Variants in BTBD9 observed in about 807,000 individuals in gnomAD.
The protein encoded by BTBD9 is BTB domain containing 9.
Under a neutral mutation model 64.3 loss-of-function variants are expected in BTBD9, and 49 were observed. The observed-to-expected ratio is 0.76, with a 90% CI of 0.61 to 0.97. BTBD9 has a LOEUF of 0.97. Ranked by LOEUF, BTBD9 falls within the 50% of genes least tolerant of loss-of-function variation. The pLI is 0.00. For missense variants in BTBD9, 598 were observed against 762.1 expected (o/e 0.78, Z 2.53); for synonymous variants, 260 against 274.7 (o/e 0.95, Z 0.53).
chr6:38,359,750 G>C (rs941764108), intron 6 of BTBD9, among the ~76,000 whole-genome samples: 3 of 152,134 alleles, frequency 2.0e-5, no homozygotes, highest in African/African-American at 7.2e-5. Context: ...TTCTATTTAT[G>C]AGCAGGTTTC....
chr6:38,598,380 T>G (rs997051907), intron 1 of BTBD9, among the ~76,000 whole-genome samples: 1 of 152,058 alleles, frequency 6.6e-6, no homozygotes. Context: ...GCCATCACAG[T>G]CTAGAAAACT....
At chr6:38,303,356 C>T (rs11759824) in intron 7 of BTBD9, among the ~76,000 whole-genome samples, 50,229 of 146,710 alleles carry the variant, frequency 0.34, 9,755 homozygotes, top group Non-Finnish European at 0.47. Flanking sequence ...GATGAATATG[C>T]GACTGTTCCT....
At chr6:38,558,688 T>C (rs1775138164) in intron 6 of BTBD9, among the ~76,000 whole-genome samples, 1 of 152,214 alleles carries the variant, frequency 6.6e-6, no homozygotes, top group African/African-American at 2.4e-5. Flanking sequence ...AAATCACATT[T>C]ATTGATGTGC....
At chr6:38,570,335 C>A (rs62396458) in intron 6 of BTBD9, among the ~76,000 whole-genome samples, 2 of 152,308 alleles carry the variant, frequency 1.3e-5, no homozygotes, top group South Asian at 4.2e-4. Flanking sequence ...TTGATTCTTG[C>A]ATCAGCAATG....
At chr6:38,272,643 C>T (rs1173253696) in intron 8 of BTBD9, among the ~76,000 whole-genome samples, 2 of 152,026 alleles carry the variant, frequency 1.3e-5, no homozygotes, top group South Asian at 2.1e-4. Context: ...TGAACACAAC[C>T]GTGACAAAGT....
intron 1 of BTBD9, among the ~76,000 whole-genome samples, chr6:38,606,722 T>G (rs1777443387): frequency 6.6e-6 from 1 of 152,208 alleles, no homozygotes; most frequent in African/African-American, 2.4e-5. Context: ...ATTGAAGACT[T>G]ACTTATAAGC....
chr6:38,255,965 T>C (rs1029677545), intron 9 of BTBD9, among the ~76,000 whole-genome samples: 1 of 151,796 alleles, frequency 6.6e-6, no homozygotes. Context: ...AAATACCTAA[T>C]GTAAATGATG....
intron 6 of BTBD9, among the ~76,000 whole-genome samples, chr6:38,482,916 T>C (rs950768675): frequency 5.3e-4 from 81 of 152,252 alleles, no homozygotes; most frequent in African/African-American, 1.9e-3. Context: ...ACTCTGCCTT[T>C]CCTCCTGTTA....
rs566214821 is a variant in BTBD9, at chr6:38,410,782, C to T, written c.1155-65689G>A. Reference sequence around the variant, plus strand: ...GTGGCTCACACCTATAATCCCAACACTTTGGGAGGCTGAGGTGGGAGGATC... The same window carrying T: ...GTGGCTCACACCTATAATCCCAACATTTTGGGAGGCTGAGGTGGGAGGATC... On this transcript the variant is annotated intron_variant, in intron 6 of 10. Transcript: ENST00000481247. Among the ~76,000 whole-genome samples the T allele has an allele frequency of 2.3e-4, 35 of 152,080 alleles. No homozygotes were observed. In the South Asian group the frequency reaches 6.2e-3, roughly 27 times the overall value.
At chr6:38,524,178 A>G (rs1287252535) in intron 6 of BTBD9, among the ~76,000 whole-genome samples, 1 of 151,948 alleles carries the variant, frequency 6.6e-6, no homozygotes, top group Non-Finnish European at 1.5e-5. Context: ...AGTGACAGAA[A>G]TAAGAGTAAC....
Position 38,465,707 on chromosome 6 carries a change from T to TTATA in BTBD9, c.1154+111889_1154+111892dup, listed in dbSNP as rs1157324453. On this transcript the variant is annotated intron_variant, in intron 6 of 10. Coordinates refer to ENST00000481247, the MANE Select transcript of BTBD9 (RefSeq NM_001099272.2). Reference sequence around the variant, plus strand: ...ATCTCTAAATAAATAAATAAATAAATTATATATATATATATATATATATAT... The same window carrying TTATA: ...ATCTCTAAATAAATAAATAAATAAATTATATATATATATATATATATATATATAT... Among the ~76,000 whole-genome samples, 397 of 46,382 alleles carry TTATA rather than the reference T, an allele frequency of 8.6e-3. 4 individuals carry two copies. The highest frequency in any genetic ancestry group is 0.013 in the Non-Finnish European group (317 of 25,136). 30.4% of individuals were successfully genotyped at this position (46,382 alleles called of 152,430 possible). A position where few individuals can be genotyped will look rare whatever the true frequency, so the allele number is the denominator to read the frequency against.
chr6:38,181,324 C>G (rs1761544463), intron 10 of BTBD9, among the ~76,000 whole-genome samples: 2 of 152,196 alleles, frequency 1.3e-5, no homozygotes, highest in Admixed American at 1.3e-4. Context: ...TCCAAGTTTT[C>G]AACTTACAAA....
intron 9 of BTBD9, among the ~76,000 whole-genome samples, chr6:38,202,346 G>A (rs1380901550): frequency 6.6e-6 from 1 of 151,448 alleles, no homozygotes; most frequent in Non-Finnish European, 1.5e-5. Flanking sequence ...CTCCCAAAGT[G>A]CTGGGATTAC....
chr6:38,176,196 C>T (rs1411408213), intron 10 of BTBD9, among the ~76,000 whole-genome samples: 9 of 152,188 alleles, frequency 5.9e-5, no homozygotes, highest in Non-Finnish European at 1.3e-4. Flanking sequence ...TGCCACTGCA[C>T]GAGCATGTGT....
rs564951998 is a variant in BTBD9, at chr6:38,626,676, A to G, written c.-28+13124T>C. ...AACTTACATGAATTTAACTATTTAT[A>G]TGGAATAAGTTAGAAATAGCGGGGC... On this transcript the variant is annotated intron_variant, in intron 1 of 10. Coordinates refer to ENST00000481247, the MANE Select transcript of BTBD9 (RefSeq NM_001099272.2). 3.3e-5 allele frequency among the ~76,000 whole-genome samples: 5 copies of G among 152,356 alleles called. No individual in the cohort carries two copies. The South Asian group carries it at 1.0e-3, about 32-fold the overall frequency.
chr6:38,412,483 C>T (rs1767472903), intron 6 of BTBD9, among the ~76,000 whole-genome samples: 1 of 148,846 alleles, frequency 6.7e-6, no homozygotes, highest in South Asian at 2.1e-4. Flanking sequence ...GAACTGGGGA[C>T]ATTTGAGGGA....
intron 6 of BTBD9, among the ~76,000 whole-genome samples, chr6:38,408,673 A>T (rs1267699071): frequency 6.6e-6 from 1 of 152,232 alleles, no homozygotes; most frequent in Non-Finnish European, 1.5e-5. Flanking sequence ...CAAAGTAAAC[A>T]GTTGCTGTGT....
chr6:38,236,241 A>G (rs1176792710), intron 9 of BTBD9, among the ~76,000 whole-genome samples: 1 of 152,206 alleles, frequency 6.6e-6, no homozygotes, highest in African/African-American at 2.4e-5. Context: ...GGAACTAGCA[A>G]CACTACTATA....
chr6:38,446,611 C>G (rs4623233), intron 6 of BTBD9, among the ~76,000 whole-genome samples: 20,703 of 152,166 alleles, frequency 0.14, 1,672 homozygotes, highest in East Asian at 0.33. Context: ...CACACTGATA[C>G]TTGGCATTTA....
Sources: gnomAD v4.1 joint callset for allele counts (sites outside exome capture counted in the v4.1 genomes callset) on GRCh38, gnomAD v4.1.1 for gene constraint, MANE v1.5 for transcripts, NCBI Gene and HGNC (gene_info 2026-07-23, HGNC 2026-07-21) for gene names.